Variants in IL1RAPL2 observed in about 807,000 individuals in gnomAD.
IL1RAPL2 encodes interleukin 1 receptor accessory protein like 2.
Under a neutral mutation model 44.1 loss-of-function variants are expected in IL1RAPL2, and 3 were observed. That is an observed-to-expected ratio of 0.07 (90% CI 0.03 to 0.18). The LOEUF (loss-of-function observed/expected upper bound fraction) is 0.18. IL1RAPL2 is among the 10% of genes least tolerant of loss of function. The pLI is 1.00. For missense variants in IL1RAPL2, 391 were observed against 496.4 expected (o/e 0.79, Z 2.02); for synonymous variants, 181 against 178.8 (o/e 1.01, Z -0.10).
At chrX:105,356,347 A>G (rs939532797) in intron 5 of IL1RAPL2, among the ~76,000 whole-genome samples, 2 of 111,292 alleles carry the variant, frequency 1.8e-5, no homozygotes, top group Admixed American at 1.9e-4. Context: ...ATGTTTATTG[A>G]TTCTCTTTCC....
Position 105,724,404 on chromosome X carries a change from A to T in IL1RAPL2, c.902+6908A>T, listed in dbSNP as rs577314667. 5.4e-5 allele frequency among the ~76,000 whole-genome samples: 6 copies of T among 110,318 alleles called. No homozygotes were observed. In the South Asian group the frequency reaches 2.3e-3, roughly 43 times the overall value. ...GGTCAGTTTCACCACTGTGGTCCCGAGCCTCTCCTGATTTTCAGCCCATTG... is the reference window on the plus strand; with the variant it reads ...GGTCAGTTTCACCACTGTGGTCCCGTGCCTCTCCTGATTTTCAGCCCATTG... On this transcript the variant is annotated intron_variant, in intron 7 of 10. Transcript: ENST00000372582.
At chrX:105,402,912 A>C (rs964465358) in intron 5 of IL1RAPL2, among the ~76,000 whole-genome samples, 1 of 111,832 alleles carries the variant, frequency 8.9e-6, no homozygotes, top group Non-Finnish European at 1.9e-5. Flanking sequence ...CAAGCTATTC[A>C]TATTTCTAGC....
At chrX:105,405,711 G>C (rs1602397030) in intron 5 of IL1RAPL2, 1 of 960,853 alleles carries the variant, frequency 1.0e-6, no homozygotes, top group East Asian at 3.1e-5. Context: ...AGACTTAAAT[G>C]AATATGACTG....
At chrX:105,760,701 C>T (rs2038679807) in intron 10 of IL1RAPL2, among the ~76,000 whole-genome samples, 1 of 112,116 alleles carries the variant, frequency 8.9e-6, no homozygotes, top group Admixed American at 9.5e-5. Context: ...CATCAGGTCT[C>T]AGCAAATTCA....
intron 2 of IL1RAPL2, among the ~76,000 whole-genome samples, chrX:105,038,306 T>C (rs1174201109): frequency 8.9e-6 from 1 of 112,101 alleles, no homozygotes; most frequent in African/African-American, 3.2e-5. Context: ...CTGATCCTGT[T>C]AACCATGTCT....
At position 104,881,803 on chromosome X, in the gene IL1RAPL2, A is replaced by G. The variant is rs1362050585; in HGVS notation, c.82+222808A>G. The stretch of plus-strand genomic sequence containing the variant: ...TGAGGATATTGGAATGAGAAGGTGC[A>G]TGGCAGTTGTATGTTCTGGAAAGCT... On this transcript the variant is annotated intron_variant, in intron 2 of 10. Transcript: ENST00000372582. Among the ~76,000 whole-genome samples the G allele has an allele frequency of 4.5e-5, 5 of 112,089 alleles. No homozygotes were observed. The East Asian group carries it at 1.4e-3, about 32-fold the overall frequency.
intron 5 of IL1RAPL2, among the ~76,000 whole-genome samples, chrX:105,450,907 AGTGTGTGTGTGT>A (rs747929543): frequency 1.1e-5 from 1 of 94,159 alleles, no homozygotes; most frequent in Non-Finnish European, 2.2e-5. Context: ...CTTAGGTCCG[AGTGTGTGTGTGT>A]GTGTGTGTGT....
At chrX:104,569,444 T>C (rs1928103114) in intron 1 of IL1RAPL2, among the ~76,000 whole-genome samples, 1 of 111,951 alleles carries the variant, frequency 8.9e-6, no homozygotes, top group Admixed American at 9.5e-5. Flanking sequence ...CATTCTTGTT[T>C]GCCAATAACT....
intron 6 of IL1RAPL2, among the ~76,000 whole-genome samples, chrX:105,682,797 G>C (rs1346795576): frequency 1.8e-5 from 2 of 112,091 alleles, no homozygotes; most frequent in East Asian, 5.6e-4. Flanking sequence ...AAAAATCTTT[G>C]TGCCATTGCA....
intron 2 of IL1RAPL2, among the ~76,000 whole-genome samples, chrX:105,045,371 A>T (rs757451545): frequency 1.8e-5 from 2 of 111,937 alleles, no homozygotes; most frequent in African/African-American, 3.2e-5. Context: ...ATTGAATTTT[A>T]AAAAATAACA....
intron 2 of IL1RAPL2, among the ~76,000 whole-genome samples, chrX:104,818,389 T>TCACA (rs1219127658): frequency 1.0e-5 from 1 of 100,409 alleles, no homozygotes; most frequent in South Asian, 4.7e-4. Context: ...TGTCTGGAGA[T>TCACA]CACAGAATTG....
At chrX:105,717,536 C>T (rs181376291) in intron 7 of IL1RAPL2, 40 bp downstream of exon 7, 217 of 1,135,689 alleles carry the variant, frequency 1.9e-4, no homozygotes, top group East Asian at 1.5e-3. Flanking sequence ...TGCTGTCTTA[C>T]GGGATTCTGC....
intron 5 of IL1RAPL2, among the ~76,000 whole-genome samples, chrX:105,398,201 A>G (rs2035578781): frequency 9.0e-6 from 1 of 110,761 alleles, no homozygotes; most frequent in South Asian, 3.8e-4. Flanking sequence ...ACAACCTCAG[A>G]AACTTTCCAT....
At chrX:104,601,204 G>T (rs1187919349) in intron 1 of IL1RAPL2, among the ~76,000 whole-genome samples, 2 of 110,358 alleles carry the variant, frequency 1.8e-5, no homozygotes, top group Non-Finnish European at 3.8e-5. Flanking sequence ...ATGTATACAT[G>T]TGCCACGTTG....
At chrX:104,766,536 C>A (rs929095558) in intron 2 of IL1RAPL2, among the ~76,000 whole-genome samples, 1 of 111,692 alleles carries the variant, frequency 9.0e-6, no homozygotes, top group African/African-American at 3.3e-5. Flanking sequence ...CATAGTATGA[C>A]ACCATCATCA....
At chrX:105,711,812 A>G (rs925857161) in intron 6 of IL1RAPL2, among the ~76,000 whole-genome samples, 3 of 111,850 alleles carry the variant, frequency 2.7e-5, no homozygotes, top group Admixed American at 1.9e-4. Context: ...ACATTCCCAT[A>G]CCAAAATGGA....
At chrX:105,073,429 A>T (rs769790986) in intron 2 of IL1RAPL2, among the ~76,000 whole-genome samples, 25 of 110,051 alleles carry the variant, frequency 2.3e-4, no homozygotes, top group African/African-American at 7.3e-4. Context: ...CACATTTTCT[A>T]AATCCAGTCT....
intron 1 of IL1RAPL2, among the ~76,000 whole-genome samples, chrX:104,588,257 T>C (rs189328656): frequency 1.8e-5 from 2 of 111,010 alleles, no homozygotes; most frequent in African/African-American, 6.5e-5. Context: ...AAGTTTATCA[T>C]CTCTACTTCT....
chrX:105,219,688 C>T lies in IL1RAPL2; in HGVS notation c.357-14130C>T, dbSNP rs782442482. 7 of 1,208,012 alleles carry T rather than the reference C, an allele frequency of 5.8e-6. No individual in the cohort carries two copies. The Admixed American group carries it at 1.5e-4, about 26-fold the overall frequency. ...TTCCTCCTCAGCTGCTCCTTCTGTG[C>T]AAACCCCTCCGGCAGTGGCCAGGCC... On this transcript the variant is annotated intron_variant, in intron 3 of 10. Coordinates refer to ENST00000372582, the MANE Select transcript of IL1RAPL2 (RefSeq NM_017416.2).
Sources: gnomAD v4.1 joint callset for allele counts (sites outside exome capture counted in the v4.1 genomes callset) on GRCh38, gnomAD v4.1.1 for gene constraint, MANE v1.5 for transcripts, NCBI Gene and HGNC (gene_info 2026-07-23, HGNC 2026-07-21) for gene names.